The following ZNRF3 variants were observed in gnomAD, a reference collection of about 807,000 sequenced individuals.
ZNRF3 encodes E3 ubiquitin-protein ligase ZNRF3.
ZNRF3 carries 23 observed loss-of-function variants against 72.5 expected under a neutral mutation model. The observed-to-expected ratio is 0.32, with a 90% confidence interval of 0.23 to 0.45. ZNRF3 has a LOEUF of 0.45. ZNRF3 is among the 20% of genes least tolerant of loss of function. The pLI, the probability that ZNRF3 is intolerant of heterozygous loss-of-function variation, is 1.00. For missense variants in ZNRF3, 1,169 were observed against 1,272.1 expected (o/e 0.92, Z 1.23); for synonymous variants, 610 against 545.3 (o/e 1.12, Z -1.65).
intron 1 of ZNRF3, among the ~76,000 whole-genome samples, chr22:28,914,495 C>CTT (rs132544): frequency 0.017 from 2,159 of 125,810 alleles, 27 homozygotes; most frequent in African/African-American, 0.023. Flanking sequence ...TGACATAGAG[C>CTT]TTTTTTTTTT....
chr22:28,893,991 GCC>G (rs2033944707), intron 1 of ZNRF3, among the ~76,000 whole-genome samples: 2 of 152,140 alleles, frequency 1.3e-5, no homozygotes, highest in Non-Finnish European at 2.9e-5. Context: ...TTGCTCTGTT[GCC>G]CAGGCTGGAG....
Position 29,048,788 on chromosome 22 carries a change from T to C in ZNRF3, c.1015+297T>C, listed in dbSNP as rs2037121556. On this transcript the variant is annotated intron_variant, in intron 7 of 8. Transcript: ENST00000544604. This position sits in a 1 kb window ranked among gnomAD's most constrained non-coding sequence, Gnocchi z 4.9. Reference sequence around the variant, plus strand: ...TCTTTAGTGGCAATGACAGTAATGGTGTTTGCCCACACCCAGTACCATGGG... The same window carrying C: ...TCTTTAGTGGCAATGACAGTAATGGCGTTTGCCCACACCCAGTACCATGGG... Among the ~76,000 whole-genome samples, 1 of 152,156 alleles carries C rather than the reference T, an allele frequency of 6.6e-6. No homozygotes were observed. Among genetic ancestry groups the C allele is most frequent in the Non-Finnish European group, 1.5e-5 (1 of 68,028 alleles).
intron 2 of ZNRF3, among the ~76,000 whole-genome samples, chr22:29,010,016 C>CA (rs2036322348): frequency 6.6e-6 from 1 of 151,026 alleles, no homozygotes; most frequent in South Asian, 2.1e-4. Flanking sequence ...ATGCCATTCT[C>CA]CTGCCTCAGC....
chr22:28,903,415 G>A (rs764262627), intron 1 of ZNRF3, among the ~76,000 whole-genome samples: 9 of 152,192 alleles, frequency 5.9e-5, no homozygotes, highest in African/African-American at 2.2e-4. Flanking sequence ...GCCTAATTAC[G>A]TGGGACTTGG....
intron 1 of ZNRF3, among the ~76,000 whole-genome samples, chr22:28,936,534 C>T (rs780056026): frequency 7.9e-5 from 12 of 152,144 alleles, no homozygotes; most frequent in Non-Finnish European, 1.6e-4. Flanking sequence ...CAGCAGGCTC[C>T]TGGGAGCACC....
intron 1 of ZNRF3, among the ~76,000 whole-genome samples, chr22:28,951,839 CTG>C (rs1455256471): frequency 6.6e-6 from 1 of 152,210 alleles, no homozygotes; most frequent in Non-Finnish European, 1.5e-5. Context: ...AGGTTGAGGA[CTG>C]TGTTTTCTGG....
chr22:28,936,715 T>C (rs535042930), intron 1 of ZNRF3, among the ~76,000 whole-genome samples: 13 of 152,202 alleles, frequency 8.5e-5, no homozygotes, highest in Non-Finnish European at 1.3e-4. Context: ...GATTCTTTTT[T>C]TAAGGTTGGA....
At chr22:28,889,266 T>C (rs1300743993) in intron 1 of ZNRF3, among the ~76,000 whole-genome samples, 3 of 152,232 alleles carry the variant, frequency 2.0e-5, no homozygotes, top group Non-Finnish European at 4.4e-5. Context: ...TCACAGACTT[T>C]CAGAGATAGT....
At chr22:28,902,841 A>G (rs990637919) in intron 1 of ZNRF3, among the ~76,000 whole-genome samples, 1 of 152,250 alleles carries the variant, frequency 6.6e-6, no homozygotes, top group Admixed American at 6.5e-5. Flanking sequence ...ACATAATTTC[A>G]TGCTGCTCCT....
intron 1 of ZNRF3, among the ~76,000 whole-genome samples, chr22:28,964,649 A>T (rs1187074993): frequency 6.6e-6 from 1 of 152,216 alleles, no homozygotes; most frequent in Admixed American, 6.5e-5. Context: ...CTGTCGTGAG[A>T]CAGTGTCTCA....
At chr22:28,989,633 T>C (rs2035920144) in intron 2 of ZNRF3, among the ~76,000 whole-genome samples, 3 of 152,164 alleles carry the variant, frequency 2.0e-5, no homozygotes, top group Non-Finnish European at 2.9e-5. Flanking sequence ...CCAAGCTAGC[T>C]TGGGGGTGGG....
chr22:29,037,697 C>A (rs2036890928), intron 2 of ZNRF3, among the ~76,000 whole-genome samples: 1 of 152,144 alleles, frequency 6.6e-6, no homozygotes, highest in Non-Finnish European at 1.5e-5. Flanking sequence ...AGTCCAGCAG[C>A]CCTGGGAAGG....
chr22:28,990,682 A>G (rs2035936738), intron 2 of ZNRF3, among the ~76,000 whole-genome samples: 1 of 152,100 alleles, frequency 6.6e-6, no homozygotes, highest in Non-Finnish European at 1.5e-5. Context: ...TCTCCAGTCA[A>G]TCAATCAGTC....
At chr22:29,020,812 T>TGTGTGTG (rs2036525593) in intron 2 of ZNRF3, among the ~76,000 whole-genome samples, 14 of 148,014 alleles carry the variant, frequency 9.5e-5, no homozygotes, top group South Asian at 2.2e-4. Flanking sequence ...TGTGTGTGTG[T>TGTGTGTG]TTGAGACAGA....
chr22:29,053,639 T>C lies in ZNRF3; in HGVS notation c.*17T>C. 6.2e-7 allele frequency: 1 copy of C among 1,611,834 alleles called. No individual in the cohort carries two copies. The highest frequency in any genetic ancestry group is 8.5e-7 in the Non-Finnish European group (1 of 1,178,928). On this transcript the variant is annotated 3_prime_UTR_variant, in exon 9 of 9. Coordinates refer to ENST00000544604, the MANE Select transcript of ZNRF3 (RefSeq NM_001206998.2). Reference sequence around the variant, plus strand: ...GGAGCCTGAGCTCAGGAGGAACTCTTACCTGGAAATTGGGAACTGTATGGA... The same window carrying C: ...GGAGCCTGAGCTCAGGAGGAACTCTCACCTGGAAATTGGGAACTGTATGGA...
intron 5 of ZNRF3, 121 bp downstream of exon 5, chr22:29,045,011 CTG>C: frequency 2.8e-6 from 2 of 712,946 alleles, no homozygotes; most frequent in South Asian, 3.3e-5. Flanking sequence ...GCTGTGGACT[CTG>C]AGCTCTGCAG....
chr22:28,887,235 A>T (rs9625629), intron 1 of ZNRF3, among the ~76,000 whole-genome samples: 3,605 of 93,098 alleles, frequency 0.039, 148 homozygotes, highest in African/African-American at 0.13. Context: ...AGAGAGAGAG[A>T]GTGTGTGTGT....
intron 1 of ZNRF3, among the ~76,000 whole-genome samples, chr22:28,905,631 T>G (rs925639477): frequency 1.3e-4 from 20 of 152,162 alleles, no homozygotes; most frequent in African/African-American, 4.8e-4. Flanking sequence ...CAATCCAAAT[T>G]ACTGAATTCT....
rs1363336705 is a variant in ZNRF3, at chr22:29,057,162, T to A, written c.*3540T>A. 6.6e-6 allele frequency: 1 copy of A among 152,348 alleles called. No individual in the cohort carries two copies. Among genetic ancestry groups the A allele is most frequent in the Admixed American group, 6.5e-5 (1 of 15,304 alleles). The allele number at this position is 152,348 out of a possible 1,614,324, so 9.4% of individuals were successfully genotyped here. ...GCTCTTTTTCCAACATTACCATTTT[T>A]AAAAAATGTTTTAAAAGCTAGAAGA... is the stretch of plus-strand genomic sequence containing the variant. On this transcript the variant is annotated 3_prime_UTR_variant, in exon 9 of 9. Coordinates refer to ENST00000544604, the MANE Select transcript of ZNRF3 (RefSeq NM_001206998.2).
Sources: gnomAD v4.1 joint callset for allele counts (sites outside exome capture counted in the v4.1 genomes callset) on GRCh38, gnomAD v4.1.1 for gene constraint, Gnocchi (gnomAD v3.1) non-coding constraint, MANE v1.5 for transcripts, NCBI Gene and HGNC (gene_info 2026-07-23, HGNC 2026-07-21) for gene names.